The following SVIL variants were observed in gnomAD, a reference collection of about 807,000 sequenced individuals.
The protein encoded by SVIL is supervillin.
Under a neutral mutation model 240.4 loss-of-function variants are expected in SVIL, and 101 were observed. The ratio of observed to expected loss-of-function variants is 0.42; its 90% CI spans 0.36 to 0.50. The LOEUF (loss-of-function observed/expected upper bound fraction) is 0.50, where lower values mean the gene tolerates loss of function less well. SVIL is among the 20% of genes least tolerant of loss of function. The probability of loss-of-function intolerance (pLI) is 0.01; values close to 1 mark genes in which losing one functional copy is unlikely to be tolerated. For missense variants in SVIL, 2,512 were observed against 2,818.7 expected, an observed-to-expected ratio of 0.89 and a Z score of 2.46; for synonymous variants, 999 against 1,100.0, an observed-to-expected ratio of 0.91 and a Z score of 1.82.
In SVIL at chr10:29,551,143, T is replaced by G. The variant is rs746876890; in HGVS notation, c.281A>C (p.Asp94Ala). ...GGCTTTGGACTCCAGACTGTGGGTG[T>G]CCATGGTACCCGAACCATAGGGTGA... ...GDSPYGSGTM[D>A]THSLESKAER... is the part of the protein sequence containing the mutation. Residue 94 changes from aspartate to alanine, a missense_variant, in exon 6 of 38, where the codon GAC becomes GCC. Physicochemically the swap from Asp to Ala is moderately radical, Grantham distance 126. Around this residue, in one of 3 missense-constraint regions of SVIL, gnomAD observed 1,443 missense variants for 1,486.6 expected, o/e 0.97. Transcript: ENST00000355867. The G allele has an allele frequency of 5.0e-6, 8 of 1,614,040 alleles. No individual in the cohort carries two copies. In the Admixed American group the frequency reaches 6.7e-5, roughly 13 times the overall value.
At chr10:29,474,304 A>G (rs915460446) in intron 29 of SVIL, among the ~76,000 whole-genome samples, 1 of 152,146 alleles carries the variant, frequency 6.6e-6, no homozygotes, top group Non-Finnish European at 1.5e-5. Flanking sequence ...CAACAGAGTA[A>G]TTTCTTCAAA....
chr10:29,534,469 C>T (rs2132573183), intron 7 of SVIL, among the ~76,000 whole-genome samples: 1 of 152,274 alleles, frequency 6.6e-6, no homozygotes. Flanking sequence ...TACAGCTACA[C>T]TCCAGCATAG....
chr10:29,570,253 T>C (rs1364527070), intron 1 of SVIL, among the ~76,000 whole-genome samples: 2 of 152,256 alleles, frequency 1.3e-5, no homozygotes, highest in African/African-American at 2.4e-5. Context: ...CTCTTAACTA[T>C]GCAAGTATCT....
chr10:29,518,155 A>AGACG (rs1487124806), intron 16 of SVIL, among the ~76,000 whole-genome samples: 1 of 152,230 alleles, frequency 6.6e-6, no homozygotes, highest in Non-Finnish European at 1.5e-5. Context: ...TGGGAGGCCT[A>AGACG]GACGGGTGGA....
intron 1 of SVIL, among the ~76,000 whole-genome samples, chr10:29,710,450 C>G (rs944798485): frequency 6.6e-6 from 1 of 152,226 alleles, no homozygotes; most frequent in Non-Finnish European, 1.5e-5. Context: ...CTGTTCAAAT[C>G]TGTGTGATTT....
intron 1 of SVIL, among the ~76,000 whole-genome samples, chr10:29,570,694 T>C (rs1444195090): frequency 6.6e-6 from 1 of 152,250 alleles, no homozygotes; most frequent in African/African-American, 2.4e-5. Context: ...TGATCCAAAG[T>C]GTGGGCATTC....
intron 17 of SVIL, among the ~76,000 whole-genome samples, chr10:29,510,051 C>A (rs536876876): frequency 6.6e-6 from 1 of 152,170 alleles, no homozygotes; most frequent in African/African-American, 2.4e-5. Context: ...CACAGTCGTG[C>A]GCTACCACAC....
chr10:29,512,649 G>C, intron 17 of SVIL, 86 bp downstream of exon 17: 1 of 1,606,400 alleles, frequency 6.2e-7, no homozygotes, highest in Non-Finnish European at 8.5e-7. Flanking sequence ...CACAGAGTAG[G>C]AATTAGGTGG....
At chr10:29,495,933 A>G (rs745514454) in intron 18 of SVIL, among the ~76,000 whole-genome samples, 1 of 152,234 alleles carries the variant, frequency 6.6e-6, no homozygotes, top group Non-Finnish European at 1.5e-5. Flanking sequence ...AGTGGAAGGC[A>G]TTGGAAAGAA....
At chr10:29,467,914 G>A in intron 32 of SVIL, 39 bp from the exon 33 acceptor site, 3 of 1,608,200 alleles carry the variant, frequency 1.9e-6, no homozygotes, top group Non-Finnish European at 2.6e-6. Flanking sequence ...TATAAGTCTG[G>A]AGAGTGCTGG....
At chr10:29,602,728 G>A (rs1199508165) in intron 1 of SVIL, among the ~76,000 whole-genome samples, 1 of 152,060 alleles carries the variant, frequency 6.6e-6, no homozygotes, top group African/African-American at 2.4e-5. Context: ...GCTCACGCCT[G>A]TAATCCCAGC....
chr10:29,652,984 C>T (rs1183248646), intron 3 of SVIL, among the ~76,000 whole-genome samples: 2 of 151,112 alleles, frequency 1.3e-5, no homozygotes, highest in Non-Finnish European at 2.9e-5. Flanking sequence ...TTCTGTGAAT[C>T]GCCTTTTTCC....
At chr10:29,489,164 A>C (rs1164420561) in intron 22 of SVIL, among the ~76,000 whole-genome samples, 1 of 152,242 alleles carries the variant, frequency 6.6e-6, no homozygotes, top group Non-Finnish European at 1.5e-5. Flanking sequence ...AAAAGCCTTT[A>C]TACATAAAGA....
chr10:29,730,485 A>G (rs186298395), intron 1 of SVIL, among the ~76,000 whole-genome samples: 2 of 151,988 alleles, frequency 1.3e-5, no homozygotes, highest in African/African-American at 4.8e-5. Flanking sequence ...CAAGATGGAA[A>G]CCCTGGGTCA....
chr10:29,624,532 A>AAAAAC (rs1026473723), intron 1 of SVIL, among the ~76,000 whole-genome samples: 2 of 152,244 alleles, frequency 1.3e-5, no homozygotes, highest in African/African-American at 2.4e-5. Flanking sequence ...ACTTCGTCTC[A>AAAAAC]AAAACAAAAC....
chr10:29,459,359 T>C (rs1386552257), intron 36 of SVIL, among the ~76,000 whole-genome samples: 1 of 152,136 alleles, frequency 6.6e-6, no homozygotes, highest in Non-Finnish European at 1.5e-5. Flanking sequence ...TCACAGAGTT[T>C]TAAACAAACC....
Position 29,523,452 on chromosome 10 carries a change from T to A in SVIL, c.3162A>T (p.Arg1054Ser). ...GCTTTAGGGGCACTGGTCACTTACC[T>A]CTTAGTGAAAACTTCCTTTTCATAA... is the stretch of plus-strand genomic sequence containing the variant. Reference protein sequence around the residue: ...ENVMKRKFSLRAAEFGEPTSE... With the variant: ...ENVMKRKFSLSAAEFGEPTSE... The change falls in exon 15 of 38, where the codon AGA (arginine) becomes AGT (serine). Residue 1054 changes from arginine to serine, a missense_variant and splice_region_variant. Arg to Ser is a moderately radical substitution (Grantham distance 110). Coordinates refer to ENST00000355867, the MANE Select transcript of SVIL (RefSeq NM_021738.3). 6.3e-7 allele frequency: 1 copy of A among 1,594,114 alleles called. No homozygotes were observed. The highest frequency in any genetic ancestry group is 8.5e-7 in the Non-Finnish European group (1 of 1,170,246).
chr10:29,632,472 C>T (rs1958135731), intron 1 of SVIL, among the ~76,000 whole-genome samples: 1 of 139,300 alleles, frequency 7.2e-6, no homozygotes, highest in Non-Finnish European at 1.5e-5. Context: ...GCCTGGGCAA[C>T]AGAGCAAGAC....
intron 2 of SVIL, among the ~76,000 whole-genome samples, chr10:29,676,777 G>A (rs1423348815): frequency 6.6e-6 from 1 of 152,204 alleles, no homozygotes; most frequent in Admixed American, 6.5e-5. Flanking sequence ...GCTACATTTA[G>A]GTTGGCATTT....
Sources: gnomAD v4.1 joint callset for allele counts (sites outside exome capture counted in the v4.1 genomes callset) on GRCh38, gnomAD v4.1.1 for gene constraint, gnomAD v4.1.1 regional missense constraint, MANE v1.5 for transcripts, NCBI Gene and HGNC (gene_info 2026-07-23, HGNC 2026-07-21) for gene names.